B4GALNT2: variants seen among roughly 807,000 people sequenced by gnomAD.
B4GALNT2 encodes the protein beta-1,4-N-acetyl-galactosaminyltransferase 2 (SID blood group), also known as N-acetylneuraminylgalactosylglucosyl-glucoside beta-1,4-N- acetylgalactosaminyltransferase 2.
A neutral mutation model predicts 51.1 loss-of-function variants in B4GALNT2; 42 were observed. That is an observed-to-expected ratio of 0.82 (90% CI 0.64 to 1.06). The LOEUF (loss-of-function observed/expected upper bound fraction) is 1.06, where lower values mean the gene tolerates loss of function less well. B4GALNT2 is among the 50% of genes least tolerant of loss of function. The probability of loss-of-function intolerance (pLI) is 0.00; values close to 1 mark genes in which losing one functional copy is unlikely to be tolerated. For missense variants in B4GALNT2, 602 were observed against 633.6 expected (o/e 0.95, Z 0.54); for synonymous variants, 253 against 251.7 (o/e 1.01, Z -0.05).
chr17:49,122,846 A>G, the B4GALNT2 span, among the ~76,000 whole-genome samples: 1 of 152,226 alleles, frequency 6.6e-6, no homozygotes, highest in Admixed American at 6.5e-5. Context: ...AGGCTGCTAC[A>G]GCATATAGTC....
chr17:49,130,768 A>T (rs2042533455), upstream of B4GALNT2, among the ~76,000 whole-genome samples: 2 of 152,184 alleles, frequency 1.3e-5, no homozygotes, highest in African/African-American at 4.8e-5. Flanking sequence ...TAGGGTACAT[A>T]TGCTTTTTGC....
rs149940253 is a variant in B4GALNT2, at chr17:49,159,503, G to A, written c.679+286G>A. 3.7e-3 allele frequency among the ~76,000 whole-genome samples: 562 copies of A among 152,158 alleles called. 3 individuals are homozygous for A. Among genetic ancestry groups the A allele is most frequent in the African/African-American group, 0.011 (455 of 41,518 alleles). The stretch of plus-strand genomic sequence containing the variant: ...ATTACAGGCACCTGCCACCATGCCC[G>A]GCTAATTTTTGTATTTTGAATAGAG... On this transcript the variant is annotated intron_variant, in intron 6 of 10. Transcript: ENST00000393354.
At position 49,172,201 on chromosome 17, in the gene B4GALNT2, G is replaced by T. The variant is rs1380527704; in HGVS notation, c.*2473G>T. 3.3e-5 allele frequency: 8 copies of T among 242,120 alleles called. No individual in the cohort carries two copies. In the East Asian group the frequency reaches 5.9e-4, roughly 18 times the overall value. The allele number at this position is 242,120 out of a possible 1,614,324, so 15.0% of individuals were successfully genotyped here. On this transcript the variant is annotated 3_prime_UTR_variant, in exon 11 of 11. Coordinates refer to ENST00000393354, the MANE Select transcript of B4GALNT2 (RefSeq NM_001159387.2). ...GACAGCTGTTGCTCATGATAGTTGGGGTCCTCCTCAGCATCAGTCTTGACA... is the reference window on the plus strand; with the variant it reads ...GACAGCTGTTGCTCATGATAGTTGGTGTCCTCCTCAGCATCAGTCTTGACA...
At chr17:49,131,462 G>GA (rs367790096), upstream of B4GALNT2, among the ~76,000 whole-genome samples, 2,451 of 100,056 alleles carry the variant, frequency 0.024, 122 homozygotes, top group East Asian at 0.06. Flanking sequence ...CCCAGACTCC[G>GA]AAAAAAAAAA....
At chr17:49,135,236 G>C (rs1326631987) in intron 1 of B4GALNT2, among the ~76,000 whole-genome samples, 2 of 152,170 alleles carry the variant, frequency 1.3e-5, no homozygotes, top group Admixed American at 6.5e-5. Context: ...GTATTTCTGA[G>C]CTTCGGTTTG....
intron 3 of B4GALNT2, among the ~76,000 whole-genome samples, chr17:49,150,226 CGCCCCGTCCGGG>C (rs2042737537): frequency 3.5e-5 from 5 of 144,696 alleles, no homozygotes; most frequent in African/African-American, 1.3e-4. Context: ...CCCGGCCAGC[CGCCCCGTCCGGG>C]AGGGAGGTGG....
chr17:49,162,367 A>T (rs1175748447), intron 7 of B4GALNT2, among the ~76,000 whole-genome samples: 2 of 152,200 alleles, frequency 1.3e-5, no homozygotes, highest in Non-Finnish European at 2.9e-5. Context: ...CCACTCTCAC[A>T]CTGAGAAAAG....
rs1598200016 is a variant in B4GALNT2, at chr17:49,142,284, A to G, written c.353+112A>G. 4 of 1,372,276 alleles carry G rather than the reference A, an allele frequency of 2.9e-6. No individual in the cohort carries two copies. The East Asian group carries it at 9.4e-5, about 32-fold the overall frequency. 85.0% of individuals were successfully genotyped at this position (1,372,276 alleles called of 1,614,324 possible). Reference sequence around the variant, plus strand: ...GCAGGAAGGAATTCTCTCTCTTGCAAGGGTCCCTGGGAGGAACTATTAGGA... The same window carrying G: ...GCAGGAAGGAATTCTCTCTCTTGCAGGGGTCCCTGGGAGGAACTATTAGGA... On this transcript the variant is annotated intron_variant, in intron 3 of 10. Transcript: ENST00000393354.
rs556004177 is a variant in B4GALNT2, at chr17:49,173,144, T to G, written c.*3416T>G. Reference sequence around the variant, plus strand: ...AGTTAAAGGTCCTGGAAGAGGTGTATGAGCCCTAATGTGAGTGATGTAAAA... The same window carrying G: ...AGTTAAAGGTCCTGGAAGAGGTGTAGGAGCCCTAATGTGAGTGATGTAAAA... On this transcript the variant is annotated 3_prime_UTR_variant, in exon 11 of 11. Transcript: ENST00000393354. 1 of 152,240 alleles carries G rather than the reference T, an allele frequency of 6.6e-6. No homozygotes were observed. The highest frequency in any genetic ancestry group is 1.5e-5 in the Non-Finnish European group (1 of 68,042). 9.4% of individuals were successfully genotyped at this position (152,240 alleles called of 1,614,324 possible).
chr17:49,164,306 C>T (rs1431642000), intron 8 of B4GALNT2, 31 bp downstream of exon 8: 1 of 1,577,460 alleles, frequency 6.3e-7, no homozygotes, highest in South Asian at 1.1e-5. Flanking sequence ...GTGGCACCTG[C>T]ATTCCAGGAC....
At chr17:49,130,364 C>T (rs1356115929), upstream of B4GALNT2, among the ~76,000 whole-genome samples, 2 of 152,140 alleles carry the variant, frequency 1.3e-5, no homozygotes, top group African/African-American at 2.4e-5. Flanking sequence ...TGGGCCAGGC[C>T]CAGTGGCTAA....
At chr17:49,123,819 G>A in the B4GALNT2 span, among the ~76,000 whole-genome samples, 4 of 152,172 alleles carry the variant, frequency 2.6e-5, no homozygotes, top group African/African-American at 7.2e-5. Context: ...TACACAAAAC[G>A]TGAGGCCAAT....
chr17:49,140,395 C>G (rs748743240), intron 1 of B4GALNT2, among the ~76,000 whole-genome samples: 1 of 152,136 alleles, frequency 6.6e-6, no homozygotes, highest in Non-Finnish European at 1.5e-5. Flanking sequence ...CCACCACACC[C>G]GGCATATGTG....
At position 49,164,214 on chromosome 17, in the gene B4GALNT2, G is replaced by A. The variant is rs1474693376; in HGVS notation, c.893G>A (p.Ser298Asn). ...PDLTVIVADD[S>N]QKPLEIKDNH... ...TTGACCGTAATAGTGGCTGATGACAGCCAGAAGCCCCTGGAAATTAAAGAC... is the reference window on the plus strand; with the variant it reads ...TTGACCGTAATAGTGGCTGATGACAACCAGAAGCCCCTGGAAATTAAAGAC... The change falls in exon 8 of 11, where the codon AGC becomes AAC. Residue 298 changes from serine to asparagine, a missense_variant. Ser to Asn is a conservative substitution (Grantham distance 46). Coordinates refer to ENST00000393354, the MANE Select transcript of B4GALNT2 (RefSeq NM_001159387.2). The A allele has an allele frequency of 6.2e-7, 1 of 1,613,776 alleles. No individual in the cohort carries two copies. Among genetic ancestry groups the A allele is most frequent in the Non-Finnish European group, 8.5e-7 (1 of 1,179,652 alleles).
In B4GALNT2 at chr17:49,171,933, T is replaced by G; in HGVS notation, c.*2205T>G. On this transcript the variant is annotated 3_prime_UTR_variant, in exon 11 of 11. Coordinates refer to ENST00000393354, the MANE Select transcript of B4GALNT2 (RefSeq NM_001159387.2). The stretch of plus-strand genomic sequence containing the variant: ...AAATATTAAGAGCAGAAAGCATGTG[T>G]AACTGTGTCACACAGTGATTACATC... 1 of 307,592 alleles carries G rather than the reference T, an allele frequency of 3.3e-6. No individual in the cohort carries two copies. 19.1% of individuals were successfully genotyped at this position (307,592 alleles called of 1,614,324 possible).
At chr17:49,126,453 C>G in the B4GALNT2 span, among the ~76,000 whole-genome samples, 1 of 148,078 alleles carries the variant, frequency 6.8e-6, no homozygotes, top group Non-Finnish European at 1.5e-5. Flanking sequence ...GTCCTATGAC[C>G]CTGCCAAATC....
Position 49,152,815 on chromosome 17 carries a change from C to T in B4GALNT2, c.369C>T (p.Arg123=), listed in dbSNP as rs1253154784. Residue 123 remains arginine, a synonymous_variant, in exon 4 of 11, where the codon CGC becomes CGT. Transcript: ENST00000393354. The part of the protein sequence containing the change: ...EHFQRREGLP[R]PLPLLVQPNL... ...CTTCCTGCAGAGAAGGGCTGCCCCGCCCACTGCCCCTGCTGGTCCAGCCCA... is the reference window on the plus strand; with the variant it reads ...CTTCCTGCAGAGAAGGGCTGCCCCGTCCACTGCCCCTGCTGGTCCAGCCCA... 2 of 1,604,580 alleles carry T rather than the reference C, an allele frequency of 1.2e-6. No individual in the cohort carries two copies. Among genetic ancestry groups the T allele is most frequent in the Non-Finnish European group, 1.7e-6 (2 of 1,175,344 alleles).
chr17:49,135,346 C>CT (rs112479042), intron 1 of B4GALNT2, among the ~76,000 whole-genome samples: 449 of 143,190 alleles, frequency 3.1e-3, no homozygotes, highest in South Asian at 8.7e-3. Context: ...AGCTATCCTT[C>CT]TTTTTTTTTT....
intron 9 of B4GALNT2, among the ~76,000 whole-genome samples, 177 bp downstream of exon 9, chr17:49,166,431 A>C (rs1448885040): frequency 6.6e-6 from 1 of 152,092 alleles, no homozygotes; most frequent in Non-Finnish European, 1.5e-5. Flanking sequence ...AGAGTGCTGC[A>C]CCAGCTCACG....
Sources: gnomAD v4.1 joint callset for allele counts (sites outside exome capture counted in the v4.1 genomes callset) on GRCh38, gnomAD v4.1.1 for gene constraint, MANE v1.5 for transcripts, NCBI Gene and HGNC (gene_info 2026-07-23, HGNC 2026-07-21) for gene names.